Variants in RBFOX1 observed in about 807,000 individuals in gnomAD.
RBFOX1 encodes the protein RNA binding protein fox-1 homolog 1.
A neutral mutation model predicts 57.7 loss-of-function variants in RBFOX1; 8 were observed. The observed-to-expected ratio is 0.14, with a 90% CI of 0.08 to 0.25. The LOEUF is 0.25. Ranked by LOEUF, RBFOX1 falls within the 10% of genes least tolerant of loss-of-function variation. The pLI is 1.00. For missense variants in RBFOX1, 611 were observed against 548.5 expected (o/e 1.11, Z -1.14); for synonymous variants, 326 against 222.4 (o/e 1.47, Z -4.15).
chr16:7,590,482 C>T (rs17144234), intron 7 of RBFOX1, among the ~76,000 whole-genome samples: 3,098 of 152,136 alleles, frequency 0.02, 42 homozygotes, highest in Non-Finnish European at 0.025. Context: ...TTCCTTTTTA[C>T]GAGATTTACC....
At chr16:6,704,625 G>A (rs757215299) in intron 3 of RBFOX1, 1 of 152,622 alleles carries the variant, frequency 6.6e-6, no homozygotes, top group Non-Finnish European at 1.5e-5. Flanking sequence ...GGTGGGGGAA[G>A]ACTGAGAGAG....
intron 2 of RBFOX1, among the ~76,000 whole-genome samples, chr16:5,509,760 G>A (rs922741664): frequency 3.9e-5 from 6 of 152,208 alleles, no homozygotes; most frequent in African/African-American, 7.2e-5. Flanking sequence ...CAAGATGGGC[G>A]CATACACAGG....
intron 2 of RBFOX1, among the ~76,000 whole-genome samples, chr16:5,496,081 G>A (rs2042992382): frequency 1.3e-5 from 2 of 151,992 alleles, no homozygotes; most frequent in Non-Finnish European, 2.9e-5. Flanking sequence ...AGCCAACATC[G>A]CACCACCACA....
intron 1 of RBFOX1, among the ~76,000 whole-genome samples, chr16:5,345,409 G>T (rs546119924): frequency 2.0e-5 from 3 of 152,076 alleles, no homozygotes; most frequent in African/African-American, 7.2e-5. Flanking sequence ...TAAAGCCCTC[G>T]TGCATGCCCA....
intron 3 of RBFOX1, among the ~76,000 whole-genome samples, chr16:6,878,060 A>G (rs988377317): frequency 4.6e-5 from 7 of 152,130 alleles, no homozygotes; most frequent in Admixed American, 4.6e-4. Context: ...AAGACACACA[A>G]GGGTAGGACA....
At chr16:5,779,206 G>C (rs1372162500) in intron 3 of RBFOX1, among the ~76,000 whole-genome samples, 2 of 152,072 alleles carry the variant, frequency 1.3e-5, no homozygotes, top group Admixed American at 6.6e-5. Flanking sequence ...CCCTCACGTC[G>C]TGTGCAGACC....
chr16:6,944,033 A>G (rs979075283), intron 3 of RBFOX1, among the ~76,000 whole-genome samples: 1 of 152,100 alleles, frequency 6.6e-6, no homozygotes, highest in Non-Finnish European at 1.5e-5. Context: ...TGAAGTTTTT[A>G]TTTTAACAGG....
intron 2 of RBFOX1, among the ~76,000 whole-genome samples, chr16:6,515,857 C>G (rs1363714782): frequency 6.6e-6 from 1 of 152,150 alleles, no homozygotes; most frequent in African/African-American, 2.4e-5. Context: ...GAATTTCACT[C>G]TATCCTTTAA....
Position 5,492,950 on chromosome 16 carries a change from A to G in RBFOX1, c.258+25696A>G, listed in dbSNP as rs145610291. Among the ~76,000 whole-genome samples the G allele has an allele frequency of 2.0e-4, 31 of 152,330 alleles. No homozygotes were observed. In the East Asian group the frequency reaches 6.0e-3, roughly 29 times the overall value. ...TTCACTTCTTTTGACCCTAGAGCCT[A>G]CACCAAGATTTGGCAAACTATGGCC... On this transcript the variant is annotated intron_variant, in intron 2 of 2. Coordinates refer to the RBFOX1 transcript ENST00000585867.
chr16:7,283,464 A>G (rs7191914), intron 4 of RBFOX1, among the ~76,000 whole-genome samples: 18,989 of 151,852 alleles, frequency 0.13, 1,713 homozygotes, highest in African/African-American at 0.24. Context: ...CGTGGTGGAA[A>G]GGAGTATGAA....
intron 3 of RBFOX1, among the ~76,000 whole-genome samples, chr16:5,707,981 G>A (rs1274712622): frequency 6.6e-6 from 1 of 152,114 alleles, no homozygotes; most frequent in African/African-American, 2.4e-5. Flanking sequence ...ACTCATCTCA[G>A]GTGAAATTTG....
At chr16:7,210,015 C>T (rs1310241995) in intron 4 of RBFOX1, among the ~76,000 whole-genome samples, 1 of 152,176 alleles carries the variant, frequency 6.6e-6, no homozygotes, top group Non-Finnish European at 1.5e-5. Context: ...AATGATCATT[C>T]TCCAGTGAAA....
chr16:5,523,179 G>T (rs554096425), intron 2 of RBFOX1, among the ~76,000 whole-genome samples: 1 of 152,216 alleles, frequency 6.6e-6, no homozygotes, highest in African/African-American at 2.4e-5. Context: ...CCAGCTACTC[G>T]GGAGGCTGAG....
chr16:5,496,744 C>G (rs1042169203), intron 2 of RBFOX1, among the ~76,000 whole-genome samples: 1 of 152,138 alleles, frequency 6.6e-6, no homozygotes, highest in South Asian at 2.1e-4. Flanking sequence ...TTTGTTACAT[C>G]TTTATTTGCA....
chr16:5,830,088 G>C (rs2056210805), intron 3 of RBFOX1, among the ~76,000 whole-genome samples: 1 of 152,172 alleles, frequency 6.6e-6, no homozygotes, highest in African/African-American at 2.4e-5. Context: ...TTCAGGCTAG[G>C]ATTGTCTAGC....
chr16:7,570,299 T>C (rs1344829075), intron 5 of RBFOX1, among the ~76,000 whole-genome samples: 1 of 152,128 alleles, frequency 6.6e-6, no homozygotes, highest in Non-Finnish European at 1.5e-5. Context: ...GTGTGATGAG[T>C]GCATGTATTT....
intron 4 of RBFOX1, among the ~76,000 whole-genome samples, chr16:7,463,463 C>T (rs2059939093): frequency 6.6e-6 from 1 of 152,190 alleles, no homozygotes; most frequent in Non-Finnish European, 1.5e-5. Context: ...AAGATTGCGT[C>T]ACTGCGTTGC....
intron 3 of RBFOX1, among the ~76,000 whole-genome samples, chr16:5,844,239 G>C (rs1387298390): frequency 6.6e-6 from 1 of 152,118 alleles, no homozygotes; most frequent in African/African-American, 2.4e-5. Flanking sequence ...CCACCAACCT[G>C]ACTTAGAAAT....
chr16:6,899,019 CTGTGTGTG>C (rs1177220549), intron 3 of RBFOX1, among the ~76,000 whole-genome samples: 7 of 150,252 alleles, frequency 4.7e-5, no homozygotes, highest in African/African-American at 1.7e-4. Context: ...ATGCGCGTCT[CTGTGTGTG>C]TGTATAATGT....
Sources: allele counts gnomAD v4.1 joint callset (sites outside exome capture counted in the v4.1 genomes callset), GRCh38; gene constraint gnomAD v4.1.1; transcripts MANE v1.5; gene names NCBI Gene and HGNC (gene_info 2026-07-23, HGNC 2026-07-21).